Variants in COP1 observed in about 807,000 individuals in gnomAD.
COP1 encodes E3 ubiquitin-protein ligase COP1.
COP1 carries 24 observed loss-of-function variants against 101.3 expected under a neutral mutation model. The ratio of observed to expected loss-of-function variants is 0.24; its 90% CI spans 0.17 to 0.33. The LOEUF (loss-of-function observed/expected upper bound fraction) is 0.33, where lower values mean the gene tolerates loss of function less well. COP1 is among the 10% of genes least tolerant of loss of function. The probability of loss-of-function intolerance (pLI) is 1.00; values close to 1 mark genes in which losing one functional copy is unlikely to be tolerated. For synonymous variants in COP1, 347 were observed against 341.9 expected (o/e 1.01, Z -0.17); for missense variants, 663 against 906.2 (o/e 0.73, Z 3.45).
intron 3 of COP1, among the ~76,000 whole-genome samples, chr1:176,168,229 T>C (rs1487592515): frequency 1.3e-5 from 2 of 151,756 alleles, no homozygotes; most frequent in African/African-American, 4.8e-5. Context: ...GGCTAATTTT[T>C]TGTATCTTTA....
intron 2 of COP1, among the ~76,000 whole-genome samples, chr1:176,180,484 A>G (rs1325782367): frequency 1.3e-5 from 2 of 152,172 alleles, no homozygotes; most frequent in Non-Finnish European, 2.9e-5. Context: ...AAAGGGACAC[A>G]TATCTCGGGT....
intron 6 of COP1, among the ~76,000 whole-genome samples, chr1:176,143,857 C>T (rs917077931): frequency 4.6e-5 from 7 of 152,072 alleles, no homozygotes; most frequent in Non-Finnish European, 8.8e-5. Context: ...AAGGAAAAAT[C>T]ATATGGTTGC....
intron 11 of COP1, among the ~76,000 whole-genome samples, chr1:176,066,205 T>G (rs1675935909): frequency 6.6e-6 from 1 of 152,184 alleles, no homozygotes; most frequent in South Asian, 2.1e-4. Context: ...TCAAATGATA[T>G]AAAAGCCTCT....
chr1:175,991,357 A>C (rs972532427), intron 15 of COP1, among the ~76,000 whole-genome samples: 7 of 152,200 alleles, frequency 4.6e-5, no homozygotes, highest in Non-Finnish European at 1.0e-4. Context: ...AATATAGAAA[A>C]GCTACAGTAA....
intron 14 of COP1, among the ~76,000 whole-genome samples, chr1:176,041,204 G>A (rs1670464156): frequency 6.6e-6 from 1 of 152,028 alleles, no homozygotes; most frequent in South Asian, 2.1e-4. Flanking sequence ...TCTATCTAAA[G>A]GACTTGGTTA....
intron 3 of COP1, among the ~76,000 whole-genome samples, chr1:176,170,651 T>C (rs944007097): frequency 6.6e-6 from 1 of 152,296 alleles, no homozygotes; most frequent in Admixed American, 6.5e-5. Flanking sequence ...ACAGACACGG[T>C]AGATTTAGCA....
chr1:176,101,245 GAA>G (rs66555236), intron 9 of COP1, among the ~76,000 whole-genome samples: 34,004 of 151,878 alleles, frequency 0.22, 4,928 homozygotes, highest in Non-Finnish European at 0.32. Context: ...ACAGAGGAAA[GAA>G]AGAGGAACAC....
At chr1:175,976,441 C>T (rs1654618820) in intron 18 of COP1, among the ~76,000 whole-genome samples, 1 of 151,790 alleles carries the variant, frequency 6.6e-6, no homozygotes, top group African/African-American at 2.4e-5. Flanking sequence ...CCATGCCTGC[C>T]TAATTATTGT....
At chr1:176,104,999 C>A (rs1221700985) in intron 9 of COP1, among the ~76,000 whole-genome samples, 1 of 152,112 alleles carries the variant, frequency 6.6e-6, no homozygotes, top group Non-Finnish European at 1.5e-5. Flanking sequence ...CATAGAGTTA[C>A]CTTCCTCATA....
intron 14 of COP1, among the ~76,000 whole-genome samples, chr1:176,030,939 A>G (rs1668553853): frequency 6.6e-6 from 1 of 152,164 alleles, no homozygotes; most frequent in African/African-American, 2.4e-5. Context: ...ATAAGGAGAG[A>G]GAGATTTAGA....
At chr1:176,058,418 T>C (rs141561647) in intron 11 of COP1, among the ~76,000 whole-genome samples, 16,316 of 152,112 alleles carry the variant, frequency 0.11, 939 homozygotes, top group Middle Eastern at 0.15. Flanking sequence ...TTTTGCTCTG[T>C]ACTAAGAAAA....
chr1:176,203,127 G>C (rs1011636989), intron 1 of COP1, among the ~76,000 whole-genome samples: 2 of 151,726 alleles, frequency 1.3e-5, no homozygotes, highest in Non-Finnish European at 2.9e-5. Flanking sequence ...CATGAGGTCA[G>C]GAGATCGAGA....
chr1:175,984,708 C>T (rs1052934937), intron 18 of COP1, among the ~76,000 whole-genome samples: 6 of 152,202 alleles, frequency 3.9e-5, no homozygotes, highest in East Asian at 1.9e-4. Context: ...TACCCTGCAA[C>T]GCCACAGTGG....
In COP1 at chr1:176,162,841, A is replaced by T. The variant is rs749486447; in HGVS notation, c.762+28T>A. 1.5e-5 allele frequency: 23 copies of T among 1,555,340 alleles called. 1 individual carries two copies. Among genetic ancestry groups the T allele is most frequent in the South Asian group, 7.6e-5 (6 of 79,418 alleles). On this transcript the variant is annotated intron_variant, in intron 5 of 19. Transcript: ENST00000367669. The stretch of plus-strand genomic sequence containing the variant: ...ATTGCAATAAAGTTCATCATTTAAA[A>T]TTTTTTTTAAGTTTAGCTACCACTT...
chr1:175,992,412 C>T (rs1372026430), intron 15 of COP1, among the ~76,000 whole-genome samples: 5 of 152,140 alleles, frequency 3.3e-5, no homozygotes, highest in African/African-American at 7.2e-5. Context: ...GTGGGTGCAG[C>T]GCACCGTGCG....
intron 15 of COP1, among the ~76,000 whole-genome samples, chr1:176,025,440 A>C (rs970124885): frequency 3.3e-5 from 5 of 151,374 alleles, no homozygotes; most frequent in Non-Finnish European, 1.5e-5. Context: ...AAATATGAAC[A>C]AGTTTTGTCT....
Position 176,206,748 on chromosome 1 carries a change from G to A in COP1, c.231C>T (p.Ser77=), listed in dbSNP as rs1341083663. The A allele has an allele frequency of 3.3e-6, 5 of 1,538,026 alleles. No individual in the cohort carries two copies. The highest frequency in any genetic ancestry group is 2.0e-5 in the Admixed American group (1 of 50,030). ...GGCCCGTGGACACCGCCCCGCCGCC[G>A]CTACCCGATACGGCGGGCGCCACCA... ...PVLVAPAVSG[S]GGGAVSTGLS... is the part of the protein sequence containing the mutation. Residue 77 remains serine (S), a synonymous_variant, in exon 1 of 20, where the codon AGC becomes AGT. Coordinates refer to ENST00000367669, the MANE Select transcript of COP1 (RefSeq NM_022457.7).
At chr1:176,041,879 T>G (rs1012341683) in intron 14 of COP1, among the ~76,000 whole-genome samples, 1 of 151,488 alleles carries the variant, frequency 6.6e-6, no homozygotes, top group Admixed American at 6.6e-5. Context: ...TTTGGGAGGT[T>G]GAGGCAGGCA....
At position 176,068,877 on chromosome 1, in the gene COP1, C is replaced by T. The variant is rs1385133558; in HGVS notation, c.1277+12275G>A. Among the ~76,000 whole-genome samples the T allele has an allele frequency of 2.0e-5, 3 of 152,270 alleles. No individual in the cohort carries two copies. The East Asian group carries it at 5.8e-4, about 29-fold the overall frequency. ...CTTGCTAAGTACAACAACAGCCCAG[C>T]CTTTAACAAGTACTACCTCCACCAC... On this transcript the variant is annotated intron_variant, in intron 11 of 19. Coordinates refer to ENST00000367669, the MANE Select transcript of COP1 (RefSeq NM_022457.7).
Sources: allele counts gnomAD v4.1 joint callset (sites outside exome capture counted in the v4.1 genomes callset), GRCh38; gene constraint gnomAD v4.1.1; transcripts MANE v1.5; gene names NCBI Gene and HGNC (gene_info 2026-07-23, HGNC 2026-07-21).